Variants in SLC2A13 observed in about 807,000 individuals in gnomAD.
SLC2A13 encodes the protein solute carrier family 2 member 13.
SLC2A13 carries 32 observed loss-of-function variants against 64.4 expected under a neutral mutation model. The ratio of observed to expected loss-of-function variants is 0.50; its 90% CI spans 0.37 to 0.67. The LOEUF (loss-of-function observed/expected upper bound fraction) is 0.67, where lower values mean the gene tolerates loss of function less well. Among genes scored for constraint, SLC2A13 ranks in the 30% least tolerant of loss-of-function variants. SLC2A13 has a pLI of 0.00. For missense variants in SLC2A13, 743 were observed against 829.2 expected, an observed-to-expected ratio of 0.90 and a Z score of 1.28; for synonymous variants, 338 against 327.1, an observed-to-expected ratio of 1.03 and a Z score of -0.36.
At chr12:39,895,779 T>C (rs185351082) in intron 4 of SLC2A13, among the ~76,000 whole-genome samples, 15 of 91,650 alleles carry the variant, frequency 1.6e-4, no homozygotes, top group Non-Finnish European at 1.4e-4. Context: ...TGTATATGCG[T>C]GTATACGTAC....
At chr12:40,075,551 T>A (rs1025866680) in intron 1 of SLC2A13, among the ~76,000 whole-genome samples, 1 of 152,198 alleles carries the variant, frequency 6.6e-6, no homozygotes, top group African/African-American at 2.4e-5. Flanking sequence ...TAGCAGCAAT[T>A]TGATTATAAT....
At chr12:40,055,619 C>T (rs2069376224) in intron 1 of SLC2A13, among the ~76,000 whole-genome samples, 2 of 152,024 alleles carry the variant, frequency 1.3e-5, no homozygotes, top group African/African-American at 4.8e-5. Context: ...AATGCATACA[C>T]AAAACTATAT....
intron 6 of SLC2A13, among the ~76,000 whole-genome samples, chr12:39,852,426 A>C (rs982164338): frequency 2.0e-5 from 3 of 152,230 alleles, no homozygotes; most frequent in Non-Finnish European, 4.4e-5. Flanking sequence ...AAATCTGTCA[A>C]GAAATTACTG....
rs191140626 is a variant in SLC2A13 at position 39,873,830 on chromosome 12, C to G, written c.1035-1869G>C. Among the ~76,000 whole-genome samples, 14 of 152,272 alleles carry G rather than the reference C, an allele frequency of 9.2e-5. No homozygotes were observed. The East Asian group carries it at 2.7e-3, about 29-fold the overall frequency. ...ATTTTAGGTACTTAAGTTATAGAGTCAGAATGTAACCAAAAACTGACCTGG... is the reference window on the plus strand; with the variant it reads ...ATTTTAGGTACTTAAGTTATAGAGTGAGAATGTAACCAAAAACTGACCTGG... On this transcript the variant is annotated intron_variant, in intron 4 of 9. Coordinates refer to ENST00000280871, the MANE Select transcript of SLC2A13 (RefSeq NM_052885.4).
At chr12:40,102,431 AT>A (rs541710155) in intron 1 of SLC2A13, among the ~76,000 whole-genome samples, 2,511 of 148,948 alleles carry the variant, frequency 0.017, 84 homozygotes, top group African/African-American at 0.058. Flanking sequence ...TGGAATTTGG[AT>A]TTTTTTTTTT....
At chr12:40,063,483 A>C (rs981518943) in intron 1 of SLC2A13, among the ~76,000 whole-genome samples, 2 of 151,994 alleles carry the variant, frequency 1.3e-5, no homozygotes, top group African/African-American at 4.8e-5. Flanking sequence ...AACTGAAGAA[A>C]AAAAAAAAGC....
intron 4 of SLC2A13, among the ~76,000 whole-genome samples, chr12:39,890,418 G>A (rs1320530397): frequency 6.6e-6 from 1 of 152,160 alleles, no homozygotes; most frequent in Non-Finnish European, 1.5e-5. Flanking sequence ...CTGGCAAAGG[G>A]AAAGTAAGGT....
chr12:40,036,121 C>A (rs1947979959), intron 2 of SLC2A13, among the ~76,000 whole-genome samples: 1 of 152,056 alleles, frequency 6.6e-6, no homozygotes, highest in Admixed American at 6.6e-5. Flanking sequence ...ACCTATACTC[C>A]AGTAATCATC....
At chr12:39,907,588 G>A (rs1945321239) in intron 4 of SLC2A13, 1 of 152,068 alleles carries the variant, frequency 6.6e-6, no homozygotes, top group Non-Finnish European at 1.5e-5. Flanking sequence ...TATGTTAAAC[G>A]ATGATCTAAT....
chr12:39,918,143 T>G (rs1263857565), intron 4 of SLC2A13, among the ~76,000 whole-genome samples: 1 of 152,076 alleles, frequency 6.6e-6, no homozygotes. Context: ...TTATAAGGCA[T>G]TCTTCCCAAA....
intron 2 of SLC2A13, among the ~76,000 whole-genome samples, chr12:40,043,204 G>A (rs1016078369): frequency 6.6e-6 from 1 of 152,004 alleles, no homozygotes; most frequent in Non-Finnish European, 1.5e-5. Context: ...TCATTCTGAT[G>A]GCTAAGTTCA....
At chr12:39,848,770 A>G (rs918737084) in intron 6 of SLC2A13, among the ~76,000 whole-genome samples, 1 of 152,160 alleles carries the variant, frequency 6.6e-6, no homozygotes, top group Non-Finnish European at 1.5e-5. Context: ...TGGACTCAAC[A>G]TAAATGCCCT....
At chr12:40,022,791 T>C (rs553908275) in intron 3 of SLC2A13, among the ~76,000 whole-genome samples, 10 of 151,964 alleles carry the variant, frequency 6.6e-5, no homozygotes, top group Non-Finnish European at 1.3e-4. Context: ...AGAGCCAAAA[T>C]TGTGCCACTG....
chr12:39,851,209 T>C (rs189750700), intron 6 of SLC2A13, among the ~76,000 whole-genome samples: 14 of 152,314 alleles, frequency 9.2e-5, no homozygotes, highest in African/African-American at 3.1e-4. Context: ...CAAAGTTAAA[T>C]GTTTATAGAA....
At chr12:39,844,524 C>T (rs78477226) in intron 6 of SLC2A13, among the ~76,000 whole-genome samples, 1,939 of 152,026 alleles carry the variant, frequency 0.013, 51 homozygotes, top group African/African-American at 0.044. Flanking sequence ...AAAAGCAACT[C>T]AGTGTTCTTT....
intron 1 of SLC2A13, among the ~76,000 whole-genome samples, chr12:40,079,998 G>A (rs141628412): frequency 9.2e-5 from 14 of 152,152 alleles, no homozygotes; most frequent in East Asian, 3.9e-4. Flanking sequence ...CAAGTAGCTG[G>A]TACAGCTGTA....
At position 40,105,915 on chromosome 12, in the gene SLC2A13, T is replaced by A; in HGVS notation, c.-107A>T. 8.1e-7 allele frequency: 1 copy of A among 1,238,484 alleles called. No individual in the cohort carries two copies. The highest frequency in any genetic ancestry group is 1.0e-6 in the Non-Finnish European group (1 of 978,656). The allele number at this position is 1,238,484 out of a possible 1,614,324, so 76.7% of individuals were successfully genotyped here. ...GGAGCAACCGCCGCTGCCGCCGCTT[T>A]CTTCCTCCCGGCTTCCGCTCCGGCT... On this transcript the variant is annotated 5_prime_UTR_variant, in exon 1 of 10. Coordinates refer to ENST00000280871, the MANE Select transcript of SLC2A13 (RefSeq NM_052885.4). This position sits in a 1 kb window ranked among gnomAD's most constrained non-coding sequence, Gnocchi z 4.2.
chr12:40,068,414 T>C, intron 1 of SLC2A13: 4 of 275,474 alleles, frequency 1.5e-5, no homozygotes, highest in South Asian at 1.3e-4. Flanking sequence ...AGTACTCTAT[T>C]GGGGATTTCC....
intron 3 of SLC2A13, among the ~76,000 whole-genome samples, chr12:39,960,027 A>G (rs997286186): frequency 5.9e-5 from 9 of 152,166 alleles, no homozygotes; most frequent in Admixed American, 2.0e-4. Flanking sequence ...CCCCGTGTCC[A>G]TATGATTTTC....
Sources: gnomAD v4.1 joint callset for allele counts (sites outside exome capture counted in the v4.1 genomes callset) on GRCh38, gnomAD v4.1.1 for gene constraint, Gnocchi (gnomAD v3.1) non-coding constraint, MANE v1.5 for transcripts, NCBI Gene and HGNC (gene_info 2026-07-23, HGNC 2026-07-21) for gene names.